CDKL2: variants seen among roughly 807,000 people sequenced by gnomAD.
The protein encoded by CDKL2 is cyclin-dependent kinase-like 2.
CDKL2 carries 64 observed loss-of-function variants against 63.9 expected under a neutral mutation model. The ratio of observed to expected loss-of-function variants is 1.00; its 90% CI spans 0.82 to 1.23. The LOEUF (loss-of-function observed/expected upper bound fraction) is 1.23. Among genes scored for constraint, CDKL2 ranks in the 50% most tolerant of loss-of-function variants. The pLI, the probability that CDKL2 is intolerant of heterozygous loss-of-function variation, is 0.00. For synonymous variants in CDKL2, 211 were observed against 229.2 expected (o/e 0.92, Z 0.72); for missense variants, 656 against 668.0 (o/e 0.98, Z 0.20).
chr4:75,626,085 T>A, intron 1 of CDKL2, 68 bp from the exon 2 acceptor site: 1 of 960,972 alleles, frequency 1.0e-6, no homozygotes, highest in Non-Finnish European at 1.6e-6. Context: ...CCCAGCAAAT[T>A]AATTCTTCCC....
intron 6 of CDKL2, among the ~76,000 whole-genome samples, chr4:75,600,607 A>C (rs1050679479): frequency 6.6e-6 from 1 of 151,986 alleles, no homozygotes; most frequent in Non-Finnish European, 1.5e-5. Context: ...CCACAGGTGC[A>C]CACCACCACA....
chr4:75,579,809 C>T (rs1181728685), intron 13 of CDKL2, among the ~76,000 whole-genome samples: 1 of 152,208 alleles, frequency 6.6e-6, no homozygotes, highest in Non-Finnish European at 1.5e-5. Context: ...GTTCATTGCT[C>T]AACATGAATT....
intron 1 of CDKL2, among the ~76,000 whole-genome samples, chr4:75,627,731 C>CTTTTTTTTTTTTTTT (rs57328528): frequency 9.0e-4 from 77 of 85,972 alleles, no homozygotes; most frequent in African/African-American, 1.0e-3. Context: ...CTTTTTTTTT[C>CTTTTTTTTTTTTTTT]TTTTTTTTTT....
intron 2 of CDKL2, among the ~76,000 whole-genome samples, chr4:75,618,239 CT>C (rs56002333): frequency 2.0e-3 from 107 of 52,950 alleles, no homozygotes; most frequent in African/African-American, 6.8e-3. Flanking sequence ...ATTGAAAATT[CT>C]TTTTTTTTTT....
Position 75,603,930 on chromosome 4 carries a change from G to T in CDKL2, c.682C>A (p.Leu228Ile), listed in dbSNP as rs766187500. 2.5e-6 allele frequency: 4 copies of T among 1,610,136 alleles called. No individual in the cohort carries two copies. The highest frequency in any genetic ancestry group is 3.4e-6 in the Non-Finnish European group (4 of 1,178,976). The change falls in exon 6 of 14, where the codon CTT becomes ATT. Residue 228 changes from leucine (L) to isoleucine (I), a missense_variant. Physicochemically the swap from Leu to Ile is conservative, Grantham distance 5. Coordinates refer to ENST00000307465, the MANE Select transcript of CDKL2 (RefSeq NM_001330724.2). ...GCAAACACAGGATTTTTATTAAAAA[G>T]CTCCTGATGCCTTGGAATTAGATTA... ...LGNLIPRHQE[L>I]FNKNPVFAGV...
chr4:75,628,178 C>G (rs375558719), intron 1 of CDKL2, among the ~76,000 whole-genome samples: 20 of 149,960 alleles, frequency 1.3e-4, no homozygotes, highest in African/African-American at 4.7e-4. Flanking sequence ...TGCAGTGGCG[C>G]GATCTTGGCT....
chr4:75,611,253 G>A (rs1729678423), intron 3 of CDKL2, among the ~76,000 whole-genome samples: 1 of 152,132 alleles, frequency 6.6e-6, no homozygotes, highest in Admixed American at 6.5e-5. Flanking sequence ...GAGGCCAAAA[G>A]TTCAAGACCA....
chr4:75,608,503 A>G (rs919842144), intron 3 of CDKL2, among the ~76,000 whole-genome samples: 18 of 152,192 alleles, frequency 1.2e-4, no homozygotes, highest in African/African-American at 3.9e-4. Context: ...GAAGTGTGGC[A>G]AGACCCTGGG....
rs189137111 is a variant in CDKL2, at chr4:75,622,446, C to T, written c.168+3375G>A. 2.4e-3 allele frequency among the ~76,000 whole-genome samples: 362 copies of T among 151,982 alleles called. 7 individuals carry two copies. The highest frequency in any genetic ancestry group is 3.9e-3 in the East Asian group (20 of 5,174). On this transcript the variant is annotated intron_variant, in intron 2 of 13. Transcript: ENST00000307465. ...TGTTAAGACAAGAAGACTGGCCAGG[C>T]CTGGTGGCTCATGCCTGTAATCCCA...
intron 4 of CDKL2, 110 bp from the exon 5 acceptor site, chr4:75,605,744 C>A: frequency 2.9e-5 from 17 of 586,442 alleles, no homozygotes; most frequent in East Asian, 6.3e-5. Flanking sequence ...CAGAGCATTT[C>A]AGATTTCAGA....
intron 10 of CDKL2, among the ~76,000 whole-genome samples, chr4:75,595,775 A>C (rs565795210): frequency 6.6e-6 from 1 of 152,076 alleles, no homozygotes; most frequent in South Asian, 2.1e-4. Flanking sequence ...ACTAAAAATA[A>C]AAAATTAGCT....
intron 5 of CDKL2, 148 bp from the exon 6 acceptor site, chr4:75,604,104 C>T: frequency 1.5e-6 from 1 of 685,818 alleles, no homozygotes; most frequent in Non-Finnish European, 2.4e-6. Context: ...AAAGACAATG[C>T]CGTTACTGTG....
At chr4:75,591,786 G>A (rs563927014) in intron 12 of CDKL2, 33 bp downstream of exon 12, 40 of 1,411,798 alleles carry the variant, frequency 2.8e-5, no homozygotes, top group Non-Finnish European at 3.9e-5. Flanking sequence ...AGAGACCCGA[G>A]TTCTGTCCAT....
chr4:75,605,602 A>G lies in CDKL2; in HGVS notation c.575T>C (p.Val192Ala), dbSNP rs776677919. 1 of 1,613,764 alleles carries G rather than the reference A, an allele frequency of 6.2e-7. No individual in the cohort carries two copies. The highest frequency in any genetic ancestry group is 1.1e-5 in the South Asian group (1 of 91,064). ...AVDVWAIGCLVTEMFMGEPLF... is the reference protein window; with the variant it reads ...AVDVWAIGCLATEMFMGEPLF... ...GGGTTCCCCCATGAACATTTCAGTT[A>G]CCAGACAACCAATGGCCCACACATC... is the stretch of plus-strand genomic sequence containing the variant. Residue 192 changes from valine to alanine, a missense_variant, in exon 5 of 14, where the codon GTA (valine) becomes GCA (alanine). Coordinates refer to ENST00000307465, the MANE Select transcript of CDKL2 (RefSeq NM_001330724.2).
At chr4:75,629,919 C>CAAGAGTG (rs1365269010) in intron 1 of CDKL2, 123 bp downstream of exon 1, 1 of 98,542 alleles carries the variant, frequency 1.0e-5, no homozygotes, top group Non-Finnish European at 1.9e-5. Context: ...GCCTGGGCAA[C>CAAGAGTG]AAGAGTGAAA....
intron 2 of CDKL2, 69 bp downstream of exon 2, chr4:75,625,752 T>C (rs532964750): frequency 1.0e-5 from 11 of 1,103,556 alleles, no homozygotes; most frequent in South Asian, 2.9e-5. Flanking sequence ...CTAATCATTG[T>C]ATTTCTTCTT....
intron 1 of CDKL2, among the ~76,000 whole-genome samples, chr4:75,627,804 C>T (rs547037744): frequency 2.4e-4 from 34 of 139,862 alleles, no homozygotes; most frequent in African/African-American, 8.4e-4. Context: ...ACCTCTGCCT[C>T]CCAGGTTCAA....
intron 12 of CDKL2, among the ~76,000 whole-genome samples, chr4:75,583,552 C>T (rs1212575987): frequency 6.6e-6 from 1 of 152,188 alleles, no homozygotes; most frequent in African/African-American, 2.4e-5. Context: ...AGCAATCTTA[C>T]AGACAGCTGC....
chr4:75,598,123 T>A lies in CDKL2; in HGVS notation c.974A>T (p.Glu325Val), dbSNP rs376042977. The change falls in exon 8 of 14, where the codon GAA becomes GTA. Residue 325 changes from glutamate to valine, a missense_variant. By Grantham distance (121) the Glu-to-Val change is moderately radical. Transcript: ENST00000307465. ...KKSQNRKKEK[E>V]KDDSLVEERK... ...TTCTTCAACTAAGGAATCATCTTTT[T>A]CTTTTTCCTTCTTTCTGTTTTGGGA... 3 of 1,555,938 alleles carry A rather than the reference T, an allele frequency of 1.9e-6. No individual in the cohort carries two copies. The African/African-American group carries it at 4.1e-5, about 21-fold the overall frequency.
Sources: allele counts gnomAD v4.1 joint callset (sites outside exome capture counted in the v4.1 genomes callset), GRCh38; gene constraint gnomAD v4.1.1; transcripts MANE v1.5; gene names NCBI Gene and HGNC (gene_info 2026-07-23, HGNC 2026-07-21).